Variants in RBFOX1 observed in about 807,000 individuals in gnomAD.
RBFOX1 encodes RNA binding fox-1 homolog 1, also known as RNA binding protein fox-1 homolog 1.
In RBFOX1, 8 loss-of-function variants were observed where a neutral mutation model predicts 57.7. The ratio of observed to expected loss-of-function variants is 0.14; its 90% confidence interval spans 0.08 to 0.25. The LOEUF is 0.25. Ranked by LOEUF, RBFOX1 falls within the 10% of genes least tolerant of loss-of-function variation. The pLI is 1.00. For missense variants in RBFOX1, 611 were observed against 548.5 expected (o/e 1.11, Z -1.14); for synonymous variants, 326 against 222.4 (o/e 1.47, Z -4.15).
intron 2 of RBFOX1, among the ~76,000 whole-genome samples, chr16:6,549,687 T>G (rs2096956651): frequency 6.6e-6 from 1 of 152,076 alleles, no homozygotes; most frequent in Admixed American, 6.5e-5. Context: ...ACGATAGGGC[T>G]GGAGTCTTCT....
intron 2 of RBFOX1, among the ~76,000 whole-genome samples, chr16:6,377,944 C>G (rs956842788): frequency 1.3e-5 from 2 of 152,148 alleles, no homozygotes; most frequent in Middle Eastern, 3.2e-3. Flanking sequence ...TTCCTGATCC[C>G]AGGCATGTCC....
At chr16:6,967,848 A>G (rs772876159) in intron 3 of RBFOX1, among the ~76,000 whole-genome samples, 2 of 152,146 alleles carry the variant, frequency 1.3e-5, no homozygotes, top group African/African-American at 4.8e-5. Context: ...GCAACCAGAC[A>G]TACTTCCTGA....
chr16:7,702,258 G>C (rs2080987324), intron 14 of RBFOX1, among the ~76,000 whole-genome samples: 1 of 152,202 alleles, frequency 6.6e-6, no homozygotes, highest in African/African-American at 2.4e-5. Context: ...GGTGTCCTAA[G>C]CTCGGAATTT....
chr16:6,647,553 C>T (rs2098543893), intron 2 of RBFOX1, among the ~76,000 whole-genome samples: 2 of 152,208 alleles, frequency 1.3e-5, no homozygotes, highest in African/African-American at 4.8e-5. Flanking sequence ...CAGCCAAGGG[C>T]AGTCATTCTT....
rs529577240 is a variant in RBFOX1 at position 6,504,793 on chromosome 16, C to T, written c.-63-149810C>T. Among the ~76,000 whole-genome samples, 4 of 152,180 alleles carry T rather than the reference C, an allele frequency of 2.6e-5. No individual in the cohort carries two copies. The East Asian group carries it at 5.8e-4, about 22-fold the overall frequency. On this transcript the variant is annotated intron_variant, in intron 2 of 15. Coordinates refer to ENST00000550418, the MANE Select transcript of RBFOX1 (RefSeq NM_018723.4). ...AAGTCTGGCCAGGTGCAGTGGCTCA[C>T]GCCTGTAATCCCAGCACTTTGGGAG...
chr16:6,730,348 T>C (rs1282286617), intron 3 of RBFOX1, among the ~76,000 whole-genome samples: 2 of 151,946 alleles, frequency 1.3e-5, no homozygotes, highest in Admixed American at 1.3e-4. Flanking sequence ...AAATACATTA[T>C]ATAGTAAGCA....
intron 4 of RBFOX1, among the ~76,000 whole-genome samples, chr16:7,338,327 G>GA (rs1192046702): frequency 6.6e-6 from 1 of 152,078 alleles, no homozygotes; most frequent in African/African-American, 2.4e-5. Context: ...GACAGTGGCA[G>GA]AAAAATGCCA....
intron 1 of RBFOX1, among the ~76,000 whole-genome samples, chr16:6,137,620 T>A (rs1449463053): frequency 6.8e-6 from 1 of 146,578 alleles, no homozygotes; most frequent in Non-Finnish European, 1.5e-5. Context: ...TTTTTTTTTT[T>A]TTTTTTTTTT....
At chr16:7,542,721 G>C (rs1294836780) in intron 5 of RBFOX1, among the ~76,000 whole-genome samples, 22 of 102,252 alleles carry the variant, frequency 2.2e-4, no homozygotes, top group Middle Eastern at 6.3e-3. Flanking sequence ...AAAAAAAAAA[G>C]CCAGGCATGG....
At chr16:5,496,318 G>C (rs1192714876) in intron 2 of RBFOX1, among the ~76,000 whole-genome samples, 2 of 152,062 alleles carry the variant, frequency 1.3e-5, no homozygotes, top group African/African-American at 4.8e-5. Flanking sequence ...ACATTGGCTG[G>C]GGTCAAGGTC....
At chr16:6,500,248 G>A (rs1213022875) in intron 2 of RBFOX1, among the ~76,000 whole-genome samples, 1 of 152,112 alleles carries the variant, frequency 6.6e-6, no homozygotes, top group African/African-American at 2.4e-5. Flanking sequence ...ATACCTAGGA[G>A]CTTATTGAGG....
chr16:7,518,108 T>C, intron 4 of RBFOX1, 39 bp from the exon 5 acceptor site: 2 of 1,583,102 alleles, frequency 1.3e-6, no homozygotes, highest in Non-Finnish European at 1.7e-6. Flanking sequence ...TGGCTCCTCA[T>C]GACGTTCTCT....
At chr16:5,621,346 C>T (rs1015125578) in intron 3 of RBFOX1, among the ~76,000 whole-genome samples, 5 of 152,178 alleles carry the variant, frequency 3.3e-5, no homozygotes, top group African/African-American at 1.2e-4. Context: ...GTCTCACATT[C>T]TGAGTTGCTG....
At chr16:6,005,575 C>G (rs1343612861) in intron 4 of RBFOX1, among the ~76,000 whole-genome samples, 1 of 152,238 alleles carries the variant, frequency 6.6e-6, no homozygotes, top group Non-Finnish European at 1.5e-5. Context: ...TTGTGGGGCA[C>G]TGCCTCTGTG....
intron 3 of RBFOX1, among the ~76,000 whole-genome samples, chr16:6,838,065 G>C (rs1177219047): frequency 6.6e-6 from 1 of 151,574 alleles, no homozygotes; most frequent in Non-Finnish European, 1.5e-5. Context: ...GAACATGCAG[G>C]TTTGTTACAA....
At chr16:7,674,268 G>A (rs1268874082) in intron 13 of RBFOX1, among the ~76,000 whole-genome samples, 1 of 152,092 alleles carries the variant, frequency 6.6e-6, no homozygotes, top group Non-Finnish European at 1.5e-5. Context: ...ATTTAGGCTG[G>A]TATTGTCCAA....
chr16:7,176,065 G>T (rs571864245), intron 4 of RBFOX1, among the ~76,000 whole-genome samples: 8 of 151,908 alleles, frequency 5.3e-5, no homozygotes. Flanking sequence ...GCCAATAGCA[G>T]TCTCCACTCA....
intron 14 of RBFOX1, among the ~76,000 whole-genome samples, chr16:7,705,165 C>A (rs2082033195): frequency 6.6e-6 from 1 of 151,978 alleles, no homozygotes; most frequent in Non-Finnish European, 1.5e-5. Flanking sequence ...TGAGCAAGTG[C>A]CAAGACTAAG....
chr16:5,960,275 C>T (rs1273017937), intron 4 of RBFOX1, among the ~76,000 whole-genome samples: 1 of 152,136 alleles, frequency 6.6e-6, no homozygotes. Flanking sequence ...TATTATTTCA[C>T]TTAATTATTA....
Sources: allele counts gnomAD v4.1 joint callset (sites outside exome capture counted in the v4.1 genomes callset), GRCh38; gene constraint gnomAD v4.1.1; transcripts MANE v1.5; gene names NCBI Gene and HGNC (gene_info 2026-07-23, HGNC 2026-07-21).